Variants in SYNDIG1L observed in about 807,000 individuals in gnomAD.
SYNDIG1L encodes the protein synapse differentiation-inducing gene protein 1-like.
Under a neutral mutation model 20.1 loss-of-function variants are expected in SYNDIG1L, and 13 were observed. The observed-to-expected ratio is 0.65, with a 90% CI of 0.42 to 1.03. SYNDIG1L has a LOEUF of 1.03. Ranked by LOEUF, SYNDIG1L falls within the 50% of genes least tolerant of loss-of-function variation. The pLI, the probability that SYNDIG1L is intolerant of heterozygous loss-of-function variation, is 0.00. For synonymous variants in SYNDIG1L, 128 were observed against 129.3 expected, an observed-to-expected ratio of 0.99 and a Z score of 0.07; for missense variants, 294 against 305.1, an observed-to-expected ratio of 0.96 and a Z score of 0.27.
chr14:74,447,333 A>C, the SYNDIG1L span, among the ~76,000 whole-genome samples: 245 of 152,188 alleles, frequency 1.6e-3, 2 homozygotes, highest in South Asian at 0.019. Flanking sequence ...AATTGGCCAG[A>C]TGAGGTAGCA....
At chr14:74,449,318 G>A in the SYNDIG1L span, among the ~76,000 whole-genome samples, 257 of 151,262 alleles carry the variant, frequency 1.7e-3, 9 homozygotes, top group East Asian at 0.048. Flanking sequence ...GTTGTGTGAT[G>A]TGGCTGGGCA....
At chr14:74,460,624 T>G in the SYNDIG1L span, among the ~76,000 whole-genome samples, 1 of 152,178 alleles carries the variant, frequency 6.6e-6, no homozygotes, top group Non-Finnish European at 1.5e-5. Flanking sequence ...CCTTCCATCC[T>G]GGGCCAGCCT....
In SYNDIG1L at chr14:74,422,564, T is replaced by C. The variant is rs542440835; in HGVS notation, c.-58+3348A>G. Among the ~76,000 whole-genome samples the C allele has an allele frequency of 7.2e-5, 11 of 152,116 alleles. No homozygotes were observed. In the South Asian group the frequency reaches 2.3e-3, roughly 32 times the overall value. ...AGGTAACCAGTGATGTGCAGATATCTCTGGATATTCTCTGCTTCTGCCATT... is the reference window on the plus strand; with the variant it reads ...AGGTAACCAGTGATGTGCAGATATCCCTGGATATTCTCTGCTTCTGCCATT... On this transcript the variant is annotated intron_variant, in intron 1 of 3. Coordinates refer to ENST00000331628, the MANE Select transcript of SYNDIG1L (RefSeq NM_001105579.2).
chr14:74,476,802 G>A, the SYNDIG1L span, among the ~76,000 whole-genome samples: 1 of 152,050 alleles, frequency 6.6e-6, no homozygotes, highest in Non-Finnish European at 1.5e-5. Flanking sequence ...GGGCCTTTTA[G>A]CTGTTTCCAT....
chr14:74,421,479 T>C (rs531833420), intron 1 of SYNDIG1L, among the ~76,000 whole-genome samples: 2 of 152,030 alleles, frequency 1.3e-5, no homozygotes, highest in African/African-American at 2.4e-5. Context: ...AAAATAACAA[T>C]TAAAGAAGCA....
the SYNDIG1L span, among the ~76,000 whole-genome samples, chr14:74,462,334 A>C: frequency 1.3e-5 from 2 of 151,404 alleles, no homozygotes; most frequent in Non-Finnish European, 2.9e-5. Flanking sequence ...AAATACAAAA[A>C]TTAGCCAGGT....
chr14:74,434,641 T>C, the SYNDIG1L span, among the ~76,000 whole-genome samples: 2 of 151,548 alleles, frequency 1.3e-5, no homozygotes, highest in Admixed American at 6.6e-5. Flanking sequence ...CGAGGCATGA[T>C]AAAGAGAGGG....
At chr14:74,422,269 A>G (rs1050300220) in intron 1 of SYNDIG1L, among the ~76,000 whole-genome samples, 2 of 152,020 alleles carry the variant, frequency 1.3e-5, no homozygotes, top group African/African-American at 4.8e-5. Flanking sequence ...AGAATAAGGC[A>G]GGAGGTAAGA....
rs748985108 is a variant in SYNDIG1L at position 74,407,851 on chromosome 14, C to T, written c.556G>A (p.Gly186Arg). 6.2e-7 allele frequency: 1 copy of T among 1,612,082 alleles called. No homozygotes were observed. The highest frequency in any genetic ancestry group is 1.1e-5 in the South Asian group (1 of 90,748). ...LGIAAFYFSQGTSKAISKGDF... is the reference protein window; with the variant it reads ...LGIAAFYFSQRTSKAISKGDF... ...ACCTGGGCCCCAGGTGCTCTTACCCCCTGGGAGAAGTAGAAGGCAGCAATG... is the reference window on the plus strand; with the variant it reads ...ACCTGGGCCCCAGGTGCTCTTACCCTCTGGGAGAAGTAGAAGGCAGCAATG... The change falls in exon 3 of 4, where the codon GGG becomes AGG. Residue 186 changes from glycine (G) to arginine (R), a missense_variant and splice_region_variant. By Grantham distance (125) the Gly-to-Arg change is moderately radical. Coordinates refer to ENST00000331628, the MANE Select transcript of SYNDIG1L (RefSeq NM_001105579.2).
chr14:74,476,403 CAT>C, the SYNDIG1L span: 1 of 834,874 alleles, frequency 1.2e-6, no homozygotes, highest in Non-Finnish European at 2.0e-6. Flanking sequence ...TTATCTGGGA[CAT>C]ATGATTTGTG....
chr14:74,432,954 A>G, the SYNDIG1L span, among the ~76,000 whole-genome samples: 1 of 152,210 alleles, frequency 6.6e-6, no homozygotes, highest in South Asian at 2.1e-4. Flanking sequence ...AAAATGTACT[A>G]TCTCAATGAA....
At position 74,409,048 on chromosome 14, in the gene SYNDIG1L, TTTTATTTATTTA is replaced by T. The variant is rs10642138; in HGVS notation, c.417+268_417+279del. 1.1e-3 allele frequency among the ~76,000 whole-genome samples: 148 copies of T among 139,810 alleles called. 1 individual carries two copies. Among genetic ancestry groups the T allele is most frequent in the Middle Eastern group, 3.6e-3 (1 of 280 alleles). 91.7% of individuals were successfully genotyped at this position (139,810 alleles called of 152,430 possible). ...GGTGATGGGGCTCTGGGAACTTGCATTTTATTTATTTATTTATTTATTTATTTATTTATTTAT... is the reference window on the plus strand; with the variant it reads ...GGTGATGGGGCTCTGGGAACTTGCATTTTATTTATTTATTTATTTATTTAT... On this transcript the variant is annotated intron_variant, in intron 2 of 3. Transcript: ENST00000331628.
At chr14:74,432,919 C>T in the SYNDIG1L span, among the ~76,000 whole-genome samples, 1 of 151,672 alleles carries the variant, frequency 6.6e-6, no homozygotes, top group Non-Finnish European at 1.5e-5. Flanking sequence ...CTGCCATGTG[C>T]CAGGAACTGT....
chr14:74,444,840 G>A, the SYNDIG1L span, among the ~76,000 whole-genome samples: 4 of 152,160 alleles, frequency 2.6e-5, no homozygotes, highest in African/African-American at 9.7e-5. Context: ...ATTTTGCTTT[G>A]ATTGTAAAAG....
the SYNDIG1L span, among the ~76,000 whole-genome samples, chr14:74,448,991 G>A: frequency 1.5e-3 from 230 of 152,138 alleles, 2 homozygotes; most frequent in African/African-American, 5.3e-3. Context: ...CAACACTTTC[G>A]GAGGCTGAGA....
At chr14:74,476,254 G>T in the SYNDIG1L span, 1 of 601,322 alleles carries the variant, frequency 1.7e-6, no homozygotes, top group Non-Finnish European at 3.0e-6. Flanking sequence ...CTGCTGGCCT[G>T]CTCTCTGCTT....
the SYNDIG1L span, chr14:74,474,851 G>A: frequency 6.6e-6 from 1 of 152,134 alleles, no homozygotes; most frequent in Non-Finnish European, 1.5e-5. Context: ...GGGTTAAATG[G>A]TCTGATCCAA....
Position 74,407,431 on chromosome 14 carries a change from C to A in SYNDIG1L, c.*104G>T, listed in dbSNP as rs1258709468. 5 of 1,512,190 alleles carry A rather than the reference C, an allele frequency of 3.3e-6. No individual in the cohort carries two copies. The highest frequency in any genetic ancestry group is 1.4e-5 in the African/African-American group (1 of 73,122). 93.7% of individuals were successfully genotyped at this position (1,512,190 alleles called of 1,614,324 possible). A position where few individuals can be genotyped will look rare whatever the true frequency, so the allele number is the denominator to read the frequency against. On this transcript the variant is annotated 3_prime_UTR_variant, in exon 4 of 4. Transcript: ENST00000331628. ...TCTCCCCCTCAGCAAGCCACTCTCA[C>A]GGGATCATCTTCAGGGGCCGGGCCT...
At chr14:74,436,722 C>T in the SYNDIG1L span, among the ~76,000 whole-genome samples, 5 of 151,964 alleles carry the variant, frequency 3.3e-5, no homozygotes, top group South Asian at 2.1e-4. Context: ...TGGTGGGACG[C>T]GCCTGCAATC....
Sources: allele counts gnomAD v4.1 joint callset (sites outside exome capture counted in the v4.1 genomes callset), GRCh38; gene constraint gnomAD v4.1.1; transcripts MANE v1.5; gene names NCBI Gene and HGNC (gene_info 2026-07-23, HGNC 2026-07-21).